Variants in NCBP2L observed in about 807,000 individuals in gnomAD.
NCBP2L encodes the protein nuclear cap-binding protein subunit 2-like.
For missense variants in NCBP2L, 95 were observed against 53.1 expected (o/e 1.79, Z -2.45); for synonymous variants, 39 against 19.2 (o/e 2.04, Z -2.70).
At chrX:107,778,523 T>C (rs776690745) in intron 1 of NCBP2L, among the ~76,000 whole-genome samples, 25 of 112,983 alleles carry the variant, frequency 2.2e-4, no homozygotes, top group Non-Finnish European at 4.3e-4. Flanking sequence ...AAGTCCAGCT[T>C]GTATTGACAT....
intron 1 of NCBP2L, among the ~76,000 whole-genome samples, chrX:107,792,341 C>CAAAAAAAAAAAAA (rs35382213): frequency 1.4e-5 from 1 of 69,270 alleles, no homozygotes; most frequent in Non-Finnish European, 3.1e-5. Flanking sequence ...GTAACCAGAT[C>CAAAAAAAAAAAAA]AAAAAAAAAA....
chrX:107,790,975 T>C (rs1930444738), intron 1 of NCBP2L, among the ~76,000 whole-genome samples: 1 of 111,826 alleles, frequency 8.9e-6, no homozygotes, highest in Non-Finnish European at 1.9e-5. Flanking sequence ...AATAATTACA[T>C]TGCATTGCAA....
intron 1 of NCBP2L, among the ~76,000 whole-genome samples, chrX:107,785,789 C>T (rs1266988497): frequency 9.0e-6 from 1 of 110,800 alleles, no homozygotes; most frequent in African/African-American, 3.3e-5. Context: ...GGGCTGGCTA[C>T]CAGGGTGTGG....
chrX:107,781,692 C>CTCTCTCTCTATATA lies in NCBP2L; in HGVS notation c.-73+3835_-73+3836insCTCTCTCTATATAT, dbSNP rs1395038482. Among the ~76,000 whole-genome samples, 125 of 66,901 alleles carry CTCTCTCTCTATATA rather than the reference C, an allele frequency of 1.9e-3. 3 individuals are homozygous for CTCTCTCTCTATATA. Among genetic ancestry groups the CTCTCTCTCTATATA allele is most frequent in the Middle Eastern group, 9.3e-3 (1 of 108 alleles). The allele number at this position is 66,901 out of a possible 115,157, so 58.1% of individuals were successfully genotyped here. On this transcript the variant is annotated intron_variant, in intron 1 of 1. Transcript: ENST00000509000. ...TATCTATCTATCTCTCTCTCTCTCT[C>CTCTCTCTCTATATA]TATATATATATATATATAGATCTAT...
intron 1 of NCBP2L, among the ~76,000 whole-genome samples, chrX:107,780,480 G>A (rs940689878): frequency 3.6e-5 from 4 of 110,628 alleles, no homozygotes; most frequent in Non-Finnish European, 5.7e-5. Flanking sequence ...CATAGCTCTC[G>A]GAGACATGGA....
chrX:107,791,371 A>G (rs1488284298), intron 1 of NCBP2L, among the ~76,000 whole-genome samples: 2 of 111,052 alleles, frequency 1.8e-5, no homozygotes, highest in South Asian at 3.9e-4. Context: ...CAGCCTTCCA[A>G]GTAGCTGGGA....
intron 1 of NCBP2L, among the ~76,000 whole-genome samples, chrX:107,782,165 C>CTA (rs1315796995): frequency 4.9e-4 from 20 of 40,579 alleles, no homozygotes; most frequent in African/African-American, 2.2e-3. Context: ...TACATCACGG[C>CTA]TATATATATA....
intron 1 of NCBP2L, among the ~76,000 whole-genome samples, chrX:107,779,922 T>C (rs1930244013): frequency 9.3e-6 from 1 of 107,739 alleles, no homozygotes; most frequent in Non-Finnish European, 1.9e-5. Context: ...TTTTTTGTAT[T>C]TTTAGTAGAG....
At chrX:107,782,234 T>A (rs868325332) in intron 1 of NCBP2L, among the ~76,000 whole-genome samples, 3 of 19,733 alleles carry the variant, frequency 1.5e-4, no homozygotes, top group African/African-American at 6.7e-4. Flanking sequence ...TATATATATA[T>A]AAATATATAT....
At chrX:107,793,449 G>A (rs1343461279) in intron 1 of NCBP2L, among the ~76,000 whole-genome samples, 1 of 111,706 alleles carries the variant, frequency 9.0e-6, no homozygotes, top group Non-Finnish European at 1.9e-5. Context: ...CGACTAAATC[G>A]TGTTTAATGC....
intron 1 of NCBP2L, among the ~76,000 whole-genome samples, chrX:107,792,630 G>A (rs933515269): frequency 9.0e-6 from 1 of 110,860 alleles, no homozygotes; most frequent in African/African-American, 3.3e-5. Flanking sequence ...TTTGTGTTCT[G>A]CCCTTGCACA....
chrX:107,781,117 C>A (rs182940881), intron 1 of NCBP2L, among the ~76,000 whole-genome samples: 7 of 110,463 alleles, frequency 6.3e-5, no homozygotes, highest in Non-Finnish European at 1.9e-5. Context: ...GAGGTCTCGC[C>A]ATTTTGCCCA....
At position 107,793,463 on chromosome X, in the gene NCBP2L, C is replaced by T. The variant is rs182720206; in HGVS notation, c.-72-686C>T. Among the ~76,000 whole-genome samples the T allele has an allele frequency of 6.0e-3, 667 of 111,226 alleles. 3 individuals carry two copies. Among genetic ancestry groups the T allele is most frequent in the African/African-American group, 0.019 (590 of 30,583 alleles). On this transcript the variant is annotated intron_variant, in intron 1 of 1. Coordinates refer to ENST00000509000, the MANE Select transcript of NCBP2L (RefSeq NM_001348372.2). ...CCGACTAAATCGTGTTTAATGCCTC[C>T]GAATGCTGCAGTAAATTTTAGTAAA...
At chrX:107,785,618 C>T (rs974410032) in intron 1 of NCBP2L, among the ~76,000 whole-genome samples, 2 of 111,504 alleles carry the variant, frequency 1.8e-5, no homozygotes, top group Non-Finnish European at 3.8e-5. Context: ...TCTTTCCAGC[C>T]CTCTCCATCC....
At chrX:107,782,200 T>A (rs1248211283) in intron 1 of NCBP2L, among the ~76,000 whole-genome samples, 1 of 20,533 alleles carries the variant, frequency 4.9e-5, no homozygotes, top group African/African-American at 1.9e-4. Context: ...TATATAAATA[T>A]ATATATATAA....
intron 1 of NCBP2L, among the ~76,000 whole-genome samples, chrX:107,781,916 G>A (rs1193813371): frequency 1.1e-5 from 1 of 91,855 alleles, no homozygotes; most frequent in Admixed American, 1.3e-4. Flanking sequence ...GTAGAGACAG[G>A]GTTTCACCAT....
At chrX:107,781,692 C>CTCTCTCTCTCTCTCTCTCTCTCTATATA (rs1395038482) in intron 1 of NCBP2L, among the ~76,000 whole-genome samples, 3 of 66,915 alleles carry the variant, frequency 4.5e-5, no homozygotes, top group African/African-American at 2.6e-4. Context: ...CTCTCTCTCT[C>CTCTCTCTCTCTCTCTCTCTCTCTATATA]TATATATATA....
At chrX:107,783,858 ATGTGTGTGTG>A (rs756413239) in intron 1 of NCBP2L, among the ~76,000 whole-genome samples, 1 of 96,977 alleles carries the variant, frequency 1.0e-5, no homozygotes, top group African/African-American at 3.8e-5. Flanking sequence ...TGGTGTGCGT[ATGTGTGTGTG>A]TGTGTGTGTG....
intron 1 of NCBP2L, among the ~76,000 whole-genome samples, chrX:107,786,298 A>C: frequency 8.9e-6 from 1 of 112,103 alleles, no homozygotes; most frequent in Non-Finnish European, 1.9e-5. Context: ...AGGAGAAAAA[A>C]ATTGTTATAA....
Sources: gnomAD v4.1 joint callset for allele counts (sites outside exome capture counted in the v4.1 genomes callset) on GRCh38, gnomAD v4.1.1 for gene constraint, MANE v1.5 for transcripts, NCBI Gene and HGNC (gene_info 2026-07-23, HGNC 2026-07-21) for gene names.